Variants in CDH20 observed in about 807,000 individuals in gnomAD.
CDH20 encodes the protein cadherin 20.
Under a neutral mutation model 74.2 loss-of-function variants are expected in CDH20, and 29 were observed. The ratio of observed to expected loss-of-function variants is 0.39; its 90% CI spans 0.29 to 0.53. The LOEUF (loss-of-function observed/expected upper bound fraction) is 0.53. CDH20 is among the 20% of genes least tolerant of loss of function. CDH20 has a pLI of 0.69. For synonymous variants in CDH20, 469 were observed against 405.4 expected, an observed-to-expected ratio of 1.16 and a Z score of -1.88; for missense variants, 988 against 1,048.3, an observed-to-expected ratio of 0.94 and a Z score of 0.79.
chr18:61,365,946 T>C (rs1351412070), intron 1 of CDH20, among the ~76,000 whole-genome samples: 3 of 152,186 alleles, frequency 2.0e-5, no homozygotes, highest in Non-Finnish European at 4.4e-5. Flanking sequence ...GTAAAACTTT[T>C]TTGGTTGAAA....
At chr18:61,433,296 C>A (rs1230239394) in intron 1 of CDH20, among the ~76,000 whole-genome samples, 1 of 152,066 alleles carries the variant, frequency 6.6e-6, no homozygotes, top group Admixed American at 6.6e-5. Flanking sequence ...TCAGTAGGGG[C>A]ACCTTGTGTT....
intron 1 of CDH20, among the ~76,000 whole-genome samples, chr18:61,418,345 G>C (rs749369312): frequency 6.6e-6 from 1 of 152,022 alleles, no homozygotes; most frequent in Admixed American, 6.5e-5. Context: ...ACAAGGTCAG[G>C]AGATCGAGAC....
chr18:61,437,969 C>T (rs576809973), intron 1 of CDH20, among the ~76,000 whole-genome samples: 290 of 152,238 alleles, frequency 1.9e-3, no homozygotes, highest in Non-Finnish European at 3.2e-3. Flanking sequence ...TATTAAATTG[C>T]TCCAACCAAA....
intron 1 of CDH20, among the ~76,000 whole-genome samples, chr18:61,413,153 A>C (rs1054515426): frequency 9.9e-5 from 15 of 152,274 alleles, no homozygotes; most frequent in South Asian, 2.1e-4. Context: ...AAAATGTTTT[A>C]ATTTTATCTT....
rs565966138 is a variant in CDH20, at chr18:61,424,816, TA to T, written c.-152-65584del. Among the ~76,000 whole-genome samples, 398 of 152,280 alleles carry T rather than the reference TA, an allele frequency of 2.6e-3. 2 individuals carry two copies. Among genetic ancestry groups the T allele is most frequent in the African/African-American group, 8.9e-3 (368 of 41,566 alleles). On this transcript the variant is annotated intron_variant, in intron 1 of 11. Transcript: ENST00000262717. ...CTTCTTCCTTCATATTTTTGTTTTC[TA>T]ACAATAAAAAATATGAAATAAGAAC...
At chr18:61,476,883 C>T (rs1165649081) in intron 1 of CDH20, among the ~76,000 whole-genome samples, 1 of 152,054 alleles carries the variant, frequency 6.6e-6, no homozygotes, top group Non-Finnish European at 1.5e-5. Flanking sequence ...ATAGAACTTC[C>T]CAAGAAAAAT....
At chr18:61,527,906 T>C (rs764535320) in intron 6 of CDH20, 61 bp from the exon 7 acceptor site, 127 of 1,555,600 alleles carry the variant, frequency 8.2e-5, no homozygotes, top group Middle Eastern at 5.1e-4. Context: ...CTTTTGAACG[T>C]TGACATATTT....
intron 5 of CDH20, 152 bp downstream of exon 5, chr18:61,503,272 T>C (rs1317750068): frequency 3.5e-6 from 2 of 573,914 alleles, no homozygotes; most frequent in African/African-American, 1.9e-5. Context: ...CTCGCATAAC[T>C]ATTTGCCTTC....
intron 1 of CDH20, among the ~76,000 whole-genome samples, chr18:61,384,374 C>T (rs1366329097): frequency 6.6e-6 from 1 of 152,140 alleles, no homozygotes; most frequent in Admixed American, 6.6e-5. Flanking sequence ...TTCAATATTT[C>T]AATCTCAATT....
chr18:61,338,924 A>C (rs1174548626), intron 1 of CDH20, among the ~76,000 whole-genome samples: 1 of 152,162 alleles, frequency 6.6e-6, no homozygotes, highest in African/African-American at 2.4e-5. Context: ...TTCTTTAAAA[A>C]TATGTGTTGA....
intron 1 of CDH20, among the ~76,000 whole-genome samples, chr18:61,336,712 C>T (rs1480927398): frequency 6.7e-6 from 1 of 150,156 alleles, no homozygotes. Flanking sequence ...CAATTTTGGA[C>T]TTAAAATGGG....
intron 1 of CDH20, among the ~76,000 whole-genome samples, chr18:61,443,126 A>T (rs1189453986): frequency 1.3e-5 from 2 of 152,142 alleles, no homozygotes; most frequent in African/African-American, 4.8e-5. Flanking sequence ...ATTCTTAATC[A>T]CACTCCTACT....
At chr18:61,431,213 T>C (rs7236310) in intron 1 of CDH20, among the ~76,000 whole-genome samples, 13,971 of 151,992 alleles carry the variant, frequency 0.092, 754 homozygotes, top group South Asian at 0.15. Context: ...TATGTAACCA[T>C]AAGAAAAACA....
intron 6 of CDH20, among the ~76,000 whole-genome samples, chr18:61,513,584 C>A (rs1296565589): frequency 2.0e-5 from 3 of 151,478 alleles, no homozygotes; most frequent in Admixed American, 2.0e-4. Context: ...GATGCAGTTT[C>A]TTCCTAGTCT....
intron 1 of CDH20, among the ~76,000 whole-genome samples, chr18:61,440,193 C>T (rs1366830731): frequency 1.3e-5 from 2 of 152,132 alleles, no homozygotes; most frequent in Non-Finnish European, 2.9e-5. Context: ...TGGCTTTTGG[C>T]TTAGCCATGT....
At chr18:61,452,901 AG>A (rs1260306853) in intron 1 of CDH20, among the ~76,000 whole-genome samples, 1 of 152,200 alleles carries the variant, frequency 6.6e-6, no homozygotes, top group Non-Finnish European at 1.5e-5. Flanking sequence ...TTCAAACAAA[AG>A]TATTTTCAAT....
At chr18:61,375,691 C>T (rs966023507) in intron 1 of CDH20, among the ~76,000 whole-genome samples, 18 of 151,986 alleles carry the variant, frequency 1.2e-4, no homozygotes, top group Admixed American at 6.5e-4. Flanking sequence ...CCCATTACCC[C>T]GTTCCCTCCC....
At chr18:61,402,042 G>A (rs893731177) in intron 1 of CDH20, among the ~76,000 whole-genome samples, 2 of 152,314 alleles carry the variant, frequency 1.3e-5, no homozygotes, top group East Asian at 3.9e-4. Context: ...GCAGGCAAGG[G>A]AACATGAGGT....
intron 1 of CDH20, among the ~76,000 whole-genome samples, chr18:61,384,120 G>T (rs1911521204): frequency 6.6e-6 from 1 of 152,282 alleles, no homozygotes; most frequent in Non-Finnish European, 1.5e-5. Flanking sequence ...GGGTGAAAAT[G>T]GCTTACAAAA....
Sources: gnomAD v4.1 joint callset for allele counts (sites outside exome capture counted in the v4.1 genomes callset) on GRCh38, gnomAD v4.1.1 for gene constraint, MANE v1.5 for transcripts, NCBI Gene and HGNC (gene_info 2026-07-23, HGNC 2026-07-21) for gene names.